Variants in SYN2 observed in about 807,000 individuals in gnomAD.
The protein encoded by SYN2 is synapsin II.
A neutral mutation model predicts 50.9 loss-of-function variants in SYN2; 19 were observed. The observed-to-expected ratio is 0.37, with a 90% CI of 0.26 to 0.55. The LOEUF (loss-of-function observed/expected upper bound fraction) is 0.55, where lower values mean the gene tolerates loss of function less well. SYN2 is among the 20% of genes least tolerant of loss of function. The pLI, the probability that SYN2 is intolerant of heterozygous loss-of-function variation, is 0.81. For synonymous variants in SYN2, 255 were observed against 224.9 expected (o/e 1.13, Z -1.20); for missense variants, 587 against 576.4 (o/e 1.02, Z -0.19).
chr3:12,028,283 C>T (rs575929580), intron 1 of SYN2, among the ~76,000 whole-genome samples: 1 of 152,044 alleles, frequency 6.6e-6, no homozygotes, highest in South Asian at 2.1e-4. Context: ...CATCGTTGGA[C>T]ATTTCGGTTG....
At chr3:12,019,794 C>G (rs924351491) in intron 1 of SYN2, among the ~76,000 whole-genome samples, 1 of 152,120 alleles carries the variant, frequency 6.6e-6, no homozygotes, top group Non-Finnish European at 1.5e-5. Context: ...TAATTTCCTG[C>G]TTAGATTAGG....
At chr3:12,092,176 T>G (rs1367927681) in intron 1 of SYN2, among the ~76,000 whole-genome samples, 1 of 152,236 alleles carries the variant, frequency 6.6e-6, no homozygotes, top group Non-Finnish European at 1.5e-5. Context: ...GAACTTTTTT[T>G]AGACTGTATG....
intron 1 of SYN2, among the ~76,000 whole-genome samples, chr3:12,140,062 G>A (rs149074554): frequency 3.9e-5 from 6 of 152,322 alleles, no homozygotes; most frequent in African/African-American, 1.4e-4. Context: ...GTGTTCAAAT[G>A]CAATGGCTTC....
intron 1 of SYN2, among the ~76,000 whole-genome samples, chr3:12,028,703 G>T (rs201656971): frequency 0.047 from 6,856 of 146,638 alleles, 203 homozygotes; most frequent in East Asian, 0.13. Context: ...CATGTCCTTC[G>T]CCCACTTTTT....
intron 1 of SYN2, among the ~76,000 whole-genome samples, chr3:12,110,048 G>A (rs543022172): frequency 2.4e-4 from 36 of 152,200 alleles, no homozygotes; most frequent in Middle Eastern, 6.8e-3. Context: ...GATTAGCTGG[G>A]TGTAGTGATG....
chr3:12,158,574 C>T (rs1446844015), intron 5 of SYN2: 1 of 1,410,106 alleles, frequency 7.1e-7, no homozygotes, highest in African/African-American at 1.4e-5. Context: ...ACCCATCAGC[C>T]TCAGCAAGAG....
At chr3:12,089,570 G>A (rs572637838) in intron 1 of SYN2, among the ~76,000 whole-genome samples, 3 of 152,334 alleles carry the variant, frequency 2.0e-5, no homozygotes, top group Non-Finnish European at 4.4e-5. Context: ...AGCTACTTGG[G>A]AAGCCAAGGC....
chr3:12,111,981 G>C (rs1229364225), intron 1 of SYN2, among the ~76,000 whole-genome samples: 1 of 152,204 alleles, frequency 6.6e-6, no homozygotes, highest in African/African-American at 2.4e-5. Flanking sequence ...CTTCTGGGAA[G>C]GCAACTTTCA....
At chr3:12,086,196 C>T (rs1415909785) in intron 1 of SYN2, among the ~76,000 whole-genome samples, 1 of 152,040 alleles carries the variant, frequency 6.6e-6, no homozygotes, top group African/African-American at 2.4e-5. Flanking sequence ...TCTGAACAGG[C>T]AATAATGAGT....
rs139907141 is a variant in SYN2 at position 12,035,067 on chromosome 3, A to G, written c.377+30139A>G. Among the ~76,000 whole-genome samples, 365 of 152,340 alleles carry G rather than the reference A, an allele frequency of 2.4e-3. 2 individuals are homozygous for G. Among genetic ancestry groups the G allele is most frequent in the African/African-American group, 7.9e-3 (329 of 41,576 alleles). ...AATATAATGGTGGGACAGGCATAGG[A>G]TAGACGTTCCTATTACAAAAGGGAG... On this transcript the variant is annotated intron_variant, in intron 1 of 12. Transcript: ENST00000621198.
intron 1 of SYN2, among the ~76,000 whole-genome samples, chr3:12,016,145 G>A (rs926375787): frequency 6.6e-5 from 10 of 152,150 alleles, no homozygotes; most frequent in African/African-American, 2.4e-4. Context: ...TAATGCAACT[G>A]TAGCAATACA....
intron 6 of SYN2, 187 bp downstream of exon 6, chr3:12,161,795 A>AT: frequency 1.0e-6 from 1 of 954,274 alleles, no homozygotes. Flanking sequence ...AATGCAAGCC[A>AT]CCTGCTTGGT....
At chr3:12,022,826 G>T (rs180830554) in intron 1 of SYN2, among the ~76,000 whole-genome samples, 3 of 152,214 alleles carry the variant, frequency 2.0e-5, no homozygotes, top group African/African-American at 7.2e-5. Flanking sequence ...GGGATGACAG[G>T]TATGAGCCAC....
chr3:12,090,615 A>G (rs546246096), intron 1 of SYN2, among the ~76,000 whole-genome samples: 1 of 152,326 alleles, frequency 6.6e-6, no homozygotes, highest in South Asian at 2.1e-4. Context: ...GCAACTTAGA[A>G]GTAAGAGAAT....
chr3:12,016,748 C>T (rs1312594738), intron 1 of SYN2, among the ~76,000 whole-genome samples: 1 of 151,982 alleles, frequency 6.6e-6, no homozygotes, highest in Non-Finnish European at 1.5e-5. Context: ...CCCAGCTACT[C>T]GGGAGGCTGA....
chr3:12,060,084 T>TG (rs1340518261), intron 1 of SYN2, among the ~76,000 whole-genome samples: 2 of 152,198 alleles, frequency 1.3e-5, no homozygotes, highest in Non-Finnish European at 2.9e-5. Context: ...TCTGCATACT[T>TG]GGAGCAGAAG....
chr3:12,044,181 T>TCA (rs1553610019), intron 1 of SYN2, among the ~76,000 whole-genome samples: 5,330 of 52,950 alleles, frequency 0.1, 147 homozygotes, highest in Non-Finnish European at 0.18. Flanking sequence ...TCTCTCTCTC[T>TCA]CACACACACA....
At position 12,190,651 on chromosome 3, in the gene SYN2, C is replaced by T. The variant is rs1329638634; in HGVS notation, c.*26C>T. 6.2e-7 allele frequency: 1 copy of T among 1,604,632 alleles called. No individual in the cohort carries two copies. Among genetic ancestry groups the T allele is most frequent in the Admixed American group, 1.7e-5 (1 of 57,146 alleles). On this transcript the variant is annotated 3_prime_UTR_variant, in exon 13 of 13. Transcript: ENST00000621198. ...CTCTTCAGACACACGGGGCACCCAG[C>T]CCAACCGGGAAAGGCATCTAAGACA...
chr3:12,006,883 T>C (rs1693812440), intron 1 of SYN2, among the ~76,000 whole-genome samples: 1 of 152,194 alleles, frequency 6.6e-6, no homozygotes, highest in Non-Finnish European at 1.5e-5. Flanking sequence ...AGATGAATCT[T>C]GAAGAAAGGC....
Sources: gnomAD v4.1 joint callset for allele counts (sites outside exome capture counted in the v4.1 genomes callset) on GRCh38, gnomAD v4.1.1 for gene constraint, MANE v1.5 for transcripts, NCBI Gene and HGNC (gene_info 2026-07-23, HGNC 2026-07-21) for gene names.